HMX1: variants seen among roughly 807,000 people sequenced by gnomAD.
HMX1 encodes H6 family homeobox 1, also known as homeobox protein HMX1.
Under a neutral mutation model 8.9 loss-of-function variants are expected in HMX1, and 8 were observed. The observed-to-expected ratio is 0.90, with a 90% CI of 0.53 to 1.63. The LOEUF is 1.63. Among genes scored for constraint, HMX1 ranks in the 40% most tolerant of loss-of-function variants. The pLI, the probability that HMX1 is intolerant of heterozygous loss-of-function variation, is 0.00. For missense variants in HMX1, 621 were observed against 558.5 expected (o/e 1.11, Z -1.13); for synonymous variants, 311 against 283.4 (o/e 1.10, Z -0.98).
rs752800149 is a variant in HMX1, at chr4:8,850,171, G to A, written c.395-3847C>T. On this transcript the variant is annotated intron_variant, in intron 1 of 1. Coordinates refer to the HMX1 transcript ENST00000506970. ...AGTGGAAGAGCCCAGGTTGCAGACC[G>A]CTGGGAAACAGATGGGGGTTCCCGG... is the stretch of plus-strand genomic sequence containing the variant. 4.6e-5 allele frequency among the ~76,000 whole-genome samples: 7 copies of A among 152,194 alleles called. No individual in the cohort carries two copies. The East Asian group carries it at 5.8e-4, about 13-fold the overall frequency.
At chr4:8,861,160 G>A (rs1011999228) in intron 1 of HMX1, among the ~76,000 whole-genome samples, 4 of 152,182 alleles carry the variant, frequency 2.6e-5, no homozygotes, top group African/African-American at 7.2e-5. Context: ...CAGCCCCGCG[G>A]GTCCGGGCGC....
rs1721321159 is a variant in HMX1 at position 8,847,763 on chromosome 4, T to G, written c.395-1439A>C. 6.6e-6 allele frequency among the ~76,000 whole-genome samples: 1 copy of G among 152,192 alleles called. No individual in the cohort carries two copies. Among genetic ancestry groups the G allele is most frequent in the Non-Finnish European group, 1.5e-5 (1 of 68,044 alleles). ...TCCTTCATTATATCCTGCATACAGT[T>G]GGTACTCTGTAATTGCTTTCTGGAC... On this transcript the variant is annotated intron_variant, in intron 1 of 1. Transcript: ENST00000506970. The surrounding 1 kb of genome is among the most constrained non-coding windows in gnomAD (Gnocchi z 6.0).
intron 1 of HMX1, among the ~76,000 whole-genome samples, chr4:8,857,973 G>A (rs1036695783): frequency 1.3e-5 from 2 of 152,240 alleles, no homozygotes; most frequent in South Asian, 2.1e-4. Context: ...GCGGAGGAGG[G>A]GTGAAGCCGA....
Position 8,867,751 on chromosome 4 carries a change from G to A in HMX1, c.989C>T (p.Ala330Val). The A allele has an allele frequency of 7.8e-7, 1 of 1,288,594 alleles. No homozygotes were observed. Among genetic ancestry groups the A allele is most frequent in the Non-Finnish European group, 9.8e-7 (1 of 1,021,632 alleles). The allele number at this position is 1,288,594 out of a possible 1,614,324, so 79.8% of individuals were successfully genotyped here. A position where few individuals can be genotyped will look rare whatever the true frequency, so the allele number is the denominator to read the frequency against. Residue 330 changes from alanine (A) to valine (V), a missense_variant, in exon 2 of 2, where the codon GCC (alanine) becomes GTC (valine). By Grantham distance (64) the Ala-to-Val change is moderately conservative. Coordinates refer to ENST00000400677, the MANE Select transcript of HMX1 (RefSeq NM_018942.3). ...GGGCACGGAGGCGGCGGCCGGGAAG[G>A]CGGCCAGCGGGTAGGCGAGGGCCCC... is the stretch of plus-strand genomic sequence containing the variant. Reference protein sequence around the residue: ...FSGALAYPLAAFPAAASVPFL... With the variant: ...FSGALAYPLAVFPAAASVPFL...
rs1474373341 is a variant in HMX1 at position 8,868,123 on chromosome 4, GTCT to G, written c.614_616del (p.Lys205del). ...CTGGCTGCGGGAGAAGACTGTGCGC[GTCT>G]TCTTCTTTCGGCCGCCGCCCACGCC... On this transcript the variant is annotated inframe_deletion, in exon 2 of 2. Coordinates refer to ENST00000400677, the MANE Select transcript of HMX1 (RefSeq NM_018942.3). This position sits in a 1 kb window ranked among gnomAD's most constrained non-coding sequence, Gnocchi z 4.6. The G allele has an allele frequency of 1.1e-5, 16 of 1,515,710 alleles. No homozygotes were observed. The highest frequency in any genetic ancestry group is 4.1e-5 in the Admixed American group (2 of 48,566). The allele number at this position is 1,515,710 out of a possible 1,614,324, so 93.9% of individuals were successfully genotyped here. A position where few individuals can be genotyped will look rare whatever the true frequency, so the allele number is the denominator to read the frequency against.
In HMX1 at chr4:8,847,717, G is replaced by A. The variant is rs183777062; in HGVS notation, c.395-1393C>T. The stretch of plus-strand genomic sequence containing the variant: ...AGCTGTGGTCTTTCCAGTATATGAG[G>A]CCTGCCTTGACTATACTGCCTCCTT... On this transcript the variant is annotated intron_variant, in intron 1 of 1. Transcript: ENST00000506970. This position sits in a 1 kb window ranked among gnomAD's most constrained non-coding sequence, Gnocchi z 6.0. Among the ~76,000 whole-genome samples the A allele has an allele frequency of 1.5e-3, 234 of 152,284 alleles. No individual in the cohort carries two copies. The highest frequency in any genetic ancestry group is 2.4e-3 in the Non-Finnish European group (165 of 68,032).
intron 1 of HMX1, among the ~76,000 whole-genome samples, chr4:8,852,123 C>T (rs1166813531): frequency 5.3e-5 from 8 of 152,212 alleles, no homozygotes; most frequent in Non-Finnish European, 1.0e-4. Flanking sequence ...GCAAGGAGAG[C>T]GTGATGAGTA....
chr4:8,867,534 C>G lies in HMX1; in HGVS notation c.*159G>C, dbSNP rs889196143. On this transcript the variant is annotated 3_prime_UTR_variant, in exon 2 of 2. Transcript: ENST00000400677. Reference sequence around the variant, plus strand: ...ATTCTAGAGGCGCTCCCCACAGAAGCTGAGGCCCGCCCGGCCGCGGCCTGC... The same window carrying G: ...ATTCTAGAGGCGCTCCCCACAGAAGGTGAGGCCCGCCCGGCCGCGGCCTGC... The G allele has an allele frequency of 2.1e-5, 25 of 1,186,958 alleles. No individual in the cohort carries two copies. In the African/African-American group the frequency reaches 4.0e-4, roughly 19 times the overall value. The allele number at this position is 1,186,958 out of a possible 1,614,324, so 73.5% of individuals were successfully genotyped here.
At chr4:8,852,848 C>T (rs1403688684) in intron 1 of HMX1, among the ~76,000 whole-genome samples, 3 of 152,226 alleles carry the variant, frequency 2.0e-5, no homozygotes, top group Non-Finnish European at 4.4e-5. Context: ...GGCTTCTGGG[C>T]TATCTCTAAA....
At chr4:8,850,018 AC>A (rs1459115664) in intron 1 of HMX1, among the ~76,000 whole-genome samples, 11 of 151,600 alleles carry the variant, frequency 7.3e-5, no homozygotes, top group Admixed American at 1.3e-4. Context: ...CAGCCCCACA[AC>A]CCCCCTCAGC....
At position 8,867,644 on chromosome 4, in the gene HMX1, G is replaced by C. The variant is rs977230046; in HGVS notation, c.*49C>G. 3 of 1,215,656 alleles carry C rather than the reference G, an allele frequency of 2.5e-6. No individual in the cohort carries two copies. The African/African-American group carries it at 4.7e-5, about 19-fold the overall frequency. 75.3% of individuals were successfully genotyped at this position (1,215,656 alleles called of 1,614,324 possible). On this transcript the variant is annotated 3_prime_UTR_variant, in exon 2 of 2. Transcript: ENST00000400677. ...CCCTGCGCCTGCCGCTGAATCGCGC[G>C]TCCACACAGGTCCACAGGGTCGTGG...
Position 8,867,844 on chromosome 4 carries a change from G to A in HMX1, c.896C>T (p.Pro299Leu), listed in dbSNP as rs539490551. The A allele has an allele frequency of 2.4e-6, 3 of 1,235,092 alleles. No homozygotes were observed. Among genetic ancestry groups the A allele is most frequent in the South Asian group, 3.6e-5 (1 of 27,736 alleles). The allele number at this position is 1,235,092 out of a possible 1,614,324, so 76.5% of individuals were successfully genotyped here. ...CGCCAGCGGGAAGGGCAGGGTGGCC[G>A]GGGGCCCAGCGGCGGCTGCGGCCGG... ...SPPAAAAAGPPATLPFPLAPA... is the reference protein window; with the variant it reads ...SPPAAAAAGPLATLPFPLAPA... Residue 299 changes from proline (P) to leucine (L), a missense_variant, in exon 2 of 2, where the codon CCG becomes CTG. Coordinates refer to ENST00000400677, the MANE Select transcript of HMX1 (RefSeq NM_018942.3).
chr4:8,869,791 G>A (rs1171723785), intron 1 of HMX1, among the ~76,000 whole-genome samples: 4 of 152,198 alleles, frequency 2.6e-5, no homozygotes, highest in Non-Finnish European at 5.9e-5. Context: ...TGAGGAAGTG[G>A]GACCCTAACC....
rs1362950262 is a variant in HMX1 at position 8,868,456 on chromosome 4, A to AC, written c.395-112dup. The AC allele has an allele frequency of 2.4e-6, 2 of 836,952 alleles. No homozygotes were observed. The highest frequency in any genetic ancestry group is 3.6e-5 in the African/African-American group (2 of 55,596). 51.8% of individuals were successfully genotyped at this position (836,952 alleles called of 1,614,324 possible). On this transcript the variant is annotated intron_variant, in intron 1 of 1. Transcript: ENST00000400677. This position sits in a 1 kb window ranked among gnomAD's most constrained non-coding sequence, Gnocchi z 4.6. ...GTCGCTCACAGCCACAAGCAGGAAGACCTTCCAGCACAGGGCTGGGCACCC... is the reference window on the plus strand; with the variant it reads ...GTCGCTCACAGCCACAAGCAGGAAGACCCTTCCAGCACAGGGCTGGGCACCC...
chr4:8,858,616 C>T (rs1721691708), intron 1 of HMX1: 1 of 152,220 alleles, frequency 6.6e-6, no homozygotes, highest in African/African-American at 2.4e-5. Flanking sequence ...GCCCCCTGAG[C>T]GCAGGCCCCC....
intron 1 of HMX1, chr4:8,846,431 T>C (rs1403370308): frequency 1.2e-6 from 1 of 829,628 alleles, no homozygotes; most frequent in Non-Finnish European, 1.8e-6. Context: ...AACCCAAACC[T>C]GGCTCACAGA....
At chr4:8,854,626 C>T (rs1354046472) in intron 1 of HMX1, among the ~76,000 whole-genome samples, 1 of 152,228 alleles carries the variant, frequency 6.6e-6, no homozygotes, top group Non-Finnish European at 1.5e-5. Flanking sequence ...ACCTGCACTA[C>T]AAACTTTGGG....
chr4:8,861,599 G>A (rs1453211081), intron 1 of HMX1, among the ~76,000 whole-genome samples: 1 of 152,182 alleles, frequency 6.6e-6, no homozygotes, highest in Admixed American at 6.5e-5. Context: ...GCGGAGCAGC[G>A]TAGGCGGAGC....
downstream of HMX1, among the ~76,000 whole-genome samples, chr4:8,864,431 C>A (rs1342667103): frequency 6.6e-6 from 1 of 152,132 alleles, no homozygotes; most frequent in Non-Finnish European, 1.5e-5. Flanking sequence ...GTGGGTGGAA[C>A]CCGCGAGGGG....
Sources: gnomAD v4.1 joint callset for allele counts (sites outside exome capture counted in the v4.1 genomes callset) on GRCh38, gnomAD v4.1.1 for gene constraint, Gnocchi (gnomAD v3.1) non-coding constraint, MANE v1.5 for transcripts, NCBI Gene and HGNC (gene_info 2026-07-23, HGNC 2026-07-21) for gene names.